The following PIK3CB variants were observed in gnomAD, a reference collection of about 807,000 sequenced individuals.
The protein encoded by PIK3CB is phosphatidylinositol 4,5-bisphosphate 3-kinase catalytic subunit beta isoform.
Under a neutral mutation model 136.8 loss-of-function variants are expected in PIK3CB, and 39 were observed. The observed-to-expected ratio is 0.29, with a 90% CI of 0.22 to 0.37. The LOEUF is 0.37. Among genes scored for constraint, PIK3CB ranks in the 10% least tolerant of loss-of-function variants. The pLI is 1.00. For missense variants in PIK3CB, 868 were observed against 1,275.4 expected, an observed-to-expected ratio of 0.68 and a Z score of 4.87; for synonymous variants, 428 against 436.6, an observed-to-expected ratio of 0.98 and a Z score of 0.25.
At chr3:138,755,538 C>T (rs920102570) in intron 4 of PIK3CB, among the ~76,000 whole-genome samples, 1 of 151,972 alleles carries the variant, frequency 6.6e-6, no homozygotes, top group Non-Finnish European at 1.5e-5. Flanking sequence ...TAAACATAAG[C>T]CCTTGGATGC....
At chr3:138,780,751 C>T (rs1246317295) in intron 2 of PIK3CB, among the ~76,000 whole-genome samples, 2 of 152,118 alleles carry the variant, frequency 1.3e-5, no homozygotes, top group Non-Finnish European at 2.9e-5. Context: ...TCACTATAGC[C>T]TCTACCTCCT....
At chr3:138,737,972 G>A in intron 5 of PIK3CB, 86 bp from the exon 6 acceptor site, 1 of 714,148 alleles carries the variant, frequency 1.4e-6, no homozygotes, top group Non-Finnish European at 2.2e-6. Flanking sequence ...GTAATAATAT[G>A]TACAAATGTA....
chr3:138,693,791 G>A (rs1184477972), intron 14 of PIK3CB, among the ~76,000 whole-genome samples: 1 of 151,198 alleles, frequency 6.6e-6, no homozygotes, highest in African/African-American at 2.4e-5. Context: ...TATTTTCATA[G>A]ATATATATGA....
chr3:138,657,441 C>T, intron 22 of PIK3CB: 2 of 371,076 alleles, frequency 5.4e-6, no homozygotes, highest in Non-Finnish European at 9.6e-6. Context: ...TGTTCTGAAA[C>T]AGGTAAAAGG....
At chr3:138,744,421 A>AAAAAAAAAG (rs2045310314) in intron 4 of PIK3CB, among the ~76,000 whole-genome samples, 1 of 144,914 alleles carries the variant, frequency 6.9e-6, no homozygotes, top group African/African-American at 2.6e-5. Context: ...AAAAAAAAAA[A>AAAAAAAAAG]AGGAAGTGGA....
intron 14 of PIK3CB, among the ~76,000 whole-genome samples, chr3:138,694,377 A>T (rs2108516040): frequency 6.6e-6 from 1 of 152,266 alleles, no homozygotes; most frequent in South Asian, 2.1e-4. Flanking sequence ...TGATAGAAAT[A>T]AAAGTGTTTG....
intron 21 of PIK3CB, among the ~76,000 whole-genome samples, chr3:138,662,354 A>C (rs1421717945): frequency 6.8e-6 from 1 of 146,450 alleles, no homozygotes; most frequent in South Asian, 2.2e-4. Flanking sequence ...GAGTGAGAAC[A>C]TGCGGTGTTT....
chr3:138,655,762 A>G (rs2043181279), intron 23 of PIK3CB, among the ~76,000 whole-genome samples: 1 of 152,240 alleles, frequency 6.6e-6, no homozygotes, highest in Admixed American at 6.5e-5. Flanking sequence ...CAGGATGCAC[A>G]GCTGCTTGCC....
chr3:138,710,301 G>A (rs1271192389), intron 10 of PIK3CB, among the ~76,000 whole-genome samples: 1 of 151,042 alleles, frequency 6.6e-6, no homozygotes, highest in Non-Finnish European at 1.5e-5. Context: ...AGGAATAGAA[G>A]GACACACACA....
At chr3:138,778,145 C>G in intron 2 of PIK3CB, 1 of 436,298 alleles carries the variant, frequency 2.3e-6, no homozygotes, top group Non-Finnish European at 4.6e-6. Context: ...TTGTAGAAGG[C>G]TGGGGCTCAT....
chr3:138,717,398 A>G (rs908986537), intron 8 of PIK3CB, among the ~76,000 whole-genome samples: 3 of 152,190 alleles, frequency 2.0e-5, no homozygotes, highest in Non-Finnish European at 4.4e-5. Context: ...ATATTTTTAA[A>G]TAGCCCAGAA....
chr3:138,772,096 C>G (rs1470250458), intron 2 of PIK3CB, among the ~76,000 whole-genome samples: 3 of 151,950 alleles, frequency 2.0e-5, no homozygotes, highest in African/African-American at 7.3e-5. Flanking sequence ...ATGGCATCCA[C>G]TTGGTGCACT....
At position 138,714,496 on chromosome 3, in the gene PIK3CB, T is replaced by C. The variant is rs1352031336; in HGVS notation, c.1274A>G (p.Tyr425Cys). 2.5e-6 allele frequency: 4 copies of C among 1,610,802 alleles called. No individual in the cohort carries two copies. Among genetic ancestry groups the C allele is most frequent in the Non-Finnish European group, 3.4e-6 (4 of 1,177,406 alleles). ...TTTTCCAGCTTTCCTGATGGTCTGA[T>C]ATTTAGAGGGATTAATAGTTTTCGT... Reference protein sequence around the residue: ...KSTKTINPSKYQTIRKAGKVH... With the variant: ...KSTKTINPSKCQTIRKAGKVH... Residue 425 changes from tyrosine (Y) to cysteine (C), a missense_variant, in exon 9 of 24, where the codon TAT (tyrosine) becomes TGT (cysteine). By Grantham distance (194) the Tyr-to-Cys change is radical. Around this residue, in one of 4 missense-constraint regions of PIK3CB, gnomAD observed 612 missense variants for 801.1 expected, o/e 0.76. Transcript: ENST00000674063.
intron 2 of PIK3CB, among the ~76,000 whole-genome samples, chr3:138,793,463 G>A (rs1159363292): frequency 4.6e-5 from 7 of 152,168 alleles, no homozygotes; most frequent in East Asian, 1.9e-4. Context: ...AAAATCAGTC[G>A]AGCATGACGG....
intron 14 of PIK3CB, 44 bp downstream of exon 14, chr3:138,694,742 C>A: frequency 6.2e-7 from 1 of 1,600,026 alleles, no homozygotes; most frequent in South Asian, 1.1e-5. Flanking sequence ...CCAAACCCAC[C>A]CAAGTTATTC....
At chr3:138,671,395 A>G (rs2043529609) in intron 19 of PIK3CB, among the ~76,000 whole-genome samples, 1 of 152,222 alleles carries the variant, frequency 6.6e-6, no homozygotes, top group South Asian at 2.1e-4. Flanking sequence ...AAAGTCGATC[A>G]CACGTCTAAC....
At chr3:138,784,923 G>A (rs921953471) in intron 2 of PIK3CB, among the ~76,000 whole-genome samples, 3 of 151,842 alleles carry the variant, frequency 2.0e-5, no homozygotes, top group African/African-American at 4.8e-5. Context: ...CTGCCCGGCC[G>A]CCACCCCGTC....
intron 1 of PIK3CB, chr3:138,825,287 G>T: frequency 2.1e-6 from 1 of 476,710 alleles, no homozygotes; most frequent in South Asian, 3.1e-5. Flanking sequence ...GTGCTGTTCT[G>T]ATTGTTGCTG....
At chr3:138,781,778 G>A (rs554811355) in intron 2 of PIK3CB, among the ~76,000 whole-genome samples, 9 of 152,234 alleles carry the variant, frequency 5.9e-5, no homozygotes, top group Admixed American at 2.0e-4. Flanking sequence ...TAATTAGCCA[G>A]GTGAGGGGGT....
Sources: allele counts gnomAD v4.1 joint callset (sites outside exome capture counted in the v4.1 genomes callset), GRCh38; gene constraint gnomAD v4.1.1; regional missense constraint gnomAD v4.1.1; transcripts MANE v1.5; gene names NCBI Gene and HGNC (gene_info 2026-07-23, HGNC 2026-07-21).